The following MBNL2 variants were observed in gnomAD, a reference collection of about 807,000 sequenced individuals.
MBNL2 encodes the protein muscleblind like splicing regulator 2.
Under a neutral mutation model 41.9 loss-of-function variants are expected in MBNL2, and 17 were observed. That is an observed-to-expected ratio of 0.41 (90% CI 0.28 to 0.61). The LOEUF is 0.61. Ranked by LOEUF, MBNL2 falls within the 20% of genes least tolerant of loss-of-function variation. The pLI, the probability that MBNL2 is intolerant of heterozygous loss-of-function variation, is 0.35. For synonymous variants in MBNL2, 195 were observed against 182.9 expected (o/e 1.07, Z -0.53); for missense variants, 336 against 505.6 (o/e 0.66, Z 3.22).
At position 97,346,977 on chromosome 13, in the gene MBNL2, A is replaced by C. The variant is rs143329301; in HGVS notation, c.714A>C (p.Ala238=). ...REKCKYFHPP[A]HLQAKIKAAQ... ...AATGCAAATATTTTCACCCTCCTGC[A>C]CACTTGCAGGCCAAAATCAAAGCTG... is the stretch of plus-strand genomic sequence containing the variant. The change falls in exon 5 of 9, where the codon GCA becomes GCC. Residue 238 remains alanine (A), a synonymous_variant. Transcript: ENST00000679496. The surrounding 1 kb of genome is among the most constrained non-coding windows in gnomAD (Gnocchi z 4.2). 17 of 1,613,810 alleles carry C rather than the reference A, an allele frequency of 1.1e-5. No individual in the cohort carries two copies. Among genetic ancestry groups the C allele is most frequent in the Non-Finnish European group, 8.5e-7 (1 of 1,179,840 alleles).
upstream of MBNL2, chr13:97,222,176 C>T (rs1176887618): frequency 5.4e-6 from 2 of 372,160 alleles, no homozygotes; most frequent in African/African-American, 4.2e-5. Context: ...TATGGATGCA[C>T]TGTTTTTACA....
At chr13:97,247,404 C>A (rs2045678439) in intron 1 of MBNL2, among the ~76,000 whole-genome samples, 1 of 152,048 alleles carries the variant, frequency 6.6e-6, no homozygotes, top group Non-Finnish European at 1.5e-5. Flanking sequence ...CCAAGTTACC[C>A]TTTGATTCCC....
intron 8 of MBNL2, among the ~76,000 whole-genome samples, chr13:97,389,745 AT>A (rs1283384875): frequency 2.0e-5 from 3 of 151,722 alleles, no homozygotes; most frequent in Admixed American, 1.3e-4. Context: ...AGAAACTGCA[AT>A]TTTTTTTCCA....
intron 8 of MBNL2, among the ~76,000 whole-genome samples, chr13:97,380,621 G>A (rs906745508): frequency 3.9e-5 from 6 of 152,108 alleles, no homozygotes; most frequent in Admixed American, 6.6e-5. Context: ...GGGGACAGGC[G>A]ATACACAAAT....
chr13:97,293,708 G>C (rs1377069932), intron 2 of MBNL2, among the ~76,000 whole-genome samples: 1 of 152,056 alleles, frequency 6.6e-6, no homozygotes, highest in South Asian at 2.1e-4. Flanking sequence ...TCTGAGCTTA[G>C]TATTTCCTGA....
chr13:97,226,982 C>T (rs1005332060), intron 1 of MBNL2, among the ~76,000 whole-genome samples: 6 of 150,888 alleles, frequency 4.0e-5, no homozygotes, highest in Non-Finnish European at 7.4e-5. Flanking sequence ...AGCAAGGAAA[C>T]CTGTTTCCTG....
chr13:97,246,604 A>G (rs906520041), intron 1 of MBNL2, among the ~76,000 whole-genome samples: 7 of 152,176 alleles, frequency 4.6e-5, no homozygotes, highest in African/African-American at 1.4e-4. Context: ...TTCTGTTTCT[A>G]AAATTCTCAG....
chr13:97,159,130 G>T, the MBNL2 span, among the ~76,000 whole-genome samples: 1 of 152,142 alleles, frequency 6.6e-6, no homozygotes, highest in Non-Finnish European at 1.5e-5. Context: ...TTGTTGACTT[G>T]ATCCCTTTAC....
At chr13:97,277,197 A>G (rs1337738564) in intron 2 of MBNL2, among the ~76,000 whole-genome samples, 1 of 152,224 alleles carries the variant, frequency 6.6e-6, no homozygotes, top group Non-Finnish European at 1.5e-5. Context: ...GAGGATGGAG[A>G]GAATTTAATG....
chr13:97,201,974 C>G, the MBNL2 span, among the ~76,000 whole-genome samples: 1 of 152,142 alleles, frequency 6.6e-6, no homozygotes, highest in African/African-American at 2.4e-5. Context: ...CATATTACAC[C>G]TAAAAGATTA....
At chr13:97,271,873 G>T (rs991747046) in intron 1 of MBNL2, among the ~76,000 whole-genome samples, 2 of 152,114 alleles carry the variant, frequency 1.3e-5, no homozygotes, top group African/African-American at 4.8e-5. Context: ...AAATAGTGCT[G>T]CAATAAACAT....
At chr13:97,388,023 C>T (rs11616755) in intron 8 of MBNL2, among the ~76,000 whole-genome samples, 1 of 151,860 alleles carries the variant, frequency 6.6e-6, no homozygotes, top group Non-Finnish European at 1.5e-5. Flanking sequence ...ACTTTGGGCA[C>T]CAGCTTTGAC....
chr13:97,283,256 T>C (rs1326504790), intron 2 of MBNL2, among the ~76,000 whole-genome samples: 1 of 152,140 alleles, frequency 6.6e-6, no homozygotes, highest in Non-Finnish European at 1.5e-5. Context: ...AAAGCTTATC[T>C]GCTTTCATGC....
the MBNL2 span, among the ~76,000 whole-genome samples, chr13:97,211,949 T>G: frequency 6.6e-6 from 1 of 152,140 alleles, no homozygotes; most frequent in Non-Finnish European, 1.5e-5. Flanking sequence ...GGGAAAGAGA[T>G]AGCAGTATTT....
chr13:97,160,498 C>T, the MBNL2 span, among the ~76,000 whole-genome samples: 15,449 of 152,112 alleles, frequency 0.1, 866 homozygotes, highest in South Asian at 0.16. Flanking sequence ...TCTTTGAAAA[C>T]TCAGTATAGA....
At chr13:97,349,799 C>A (rs1377610253) in intron 5 of MBNL2, among the ~76,000 whole-genome samples, 1 of 152,168 alleles carries the variant, frequency 6.6e-6, no homozygotes, top group African/African-American at 2.4e-5. Flanking sequence ...TTACTATGGC[C>A]ACACCATTCT....
intron 5 of MBNL2, among the ~76,000 whole-genome samples, chr13:97,349,958 T>C (rs1006231254): frequency 1.3e-5 from 2 of 152,160 alleles, no homozygotes; most frequent in Non-Finnish European, 2.9e-5. Context: ...AAAGGTCATT[T>C]TGGTGGCTGT....
intron 2 of MBNL2, among the ~76,000 whole-genome samples, chr13:97,277,472 A>C (rs2052401536): frequency 6.6e-6 from 1 of 152,236 alleles, no homozygotes; most frequent in Non-Finnish European, 1.5e-5. Flanking sequence ...TTTACAAAAT[A>C]GTGACCCTAG....
the MBNL2 span, among the ~76,000 whole-genome samples, chr13:97,173,650 G>A: frequency 1.3e-4 from 20 of 152,194 alleles, no homozygotes; most frequent in East Asian, 2.7e-3. Context: ...AAAGAAGCCC[G>A]TGATCCAGCC....
Sources: gnomAD v4.1 joint callset for allele counts (sites outside exome capture counted in the v4.1 genomes callset) on GRCh38, gnomAD v4.1.1 for gene constraint, Gnocchi (gnomAD v3.1) non-coding constraint, MANE v1.5 for transcripts, NCBI Gene and HGNC (gene_info 2026-07-23, HGNC 2026-07-21) for gene names.